ARHGEF3: variants seen among roughly 807,000 people sequenced by gnomAD.
The protein encoded by ARHGEF3 is 59.8 kDA protein.
A neutral mutation model predicts 63.2 loss-of-function variants in ARHGEF3; 28 were observed. The ratio of observed to expected loss-of-function variants is 0.44; its 90% CI spans 0.33 to 0.61. The LOEUF (loss-of-function observed/expected upper bound fraction) is 0.61, where lower values mean the gene tolerates loss of function less well. Ranked by LOEUF, ARHGEF3 falls within the 20% of genes least tolerant of loss-of-function variation. The probability of loss-of-function intolerance (pLI) is 0.03; values close to 1 mark genes in which losing one functional copy is unlikely to be tolerated. For missense variants in ARHGEF3, 533 were observed against 659.3 expected (o/e 0.81, Z 2.10); for synonymous variants, 266 against 254.2 (o/e 1.05, Z -0.44).
chr3:57,035,025 T>C, intron 2 of ARHGEF3: 1 of 1,358,744 alleles, frequency 7.4e-7, no homozygotes. Flanking sequence ...CTCCATTTCA[T>C]TTAATTGTTG....
intron 3 of ARHGEF3, among the ~76,000 whole-genome samples, chr3:56,930,701 A>T (rs1031935967): frequency 6.6e-6 from 1 of 152,262 alleles, no homozygotes; most frequent in African/African-American, 2.4e-5. Flanking sequence ...AACATAAAGC[A>T]AAAGGAACTT....
chr3:56,783,252 T>C (rs1210952743), intron 1 of ARHGEF3, among the ~76,000 whole-genome samples: 1 of 152,212 alleles, frequency 6.6e-6, no homozygotes, highest in Non-Finnish European at 1.5e-5. Flanking sequence ...CATTTCCTCC[T>C]GGCCTCCCCT....
intron 1 of ARHGEF3, among the ~76,000 whole-genome samples, chr3:56,796,197 C>T (rs1313134277): frequency 6.6e-6 from 1 of 152,174 alleles, no homozygotes; most frequent in Non-Finnish European, 1.5e-5. Context: ...TACATTTACA[C>T]AGGGCTTTGC....
At chr3:56,909,431 C>T (rs72624859) in intron 3 of ARHGEF3, among the ~76,000 whole-genome samples, 32,142 of 152,224 alleles carry the variant, frequency 0.21, 4,332 homozygotes, top group East Asian at 0.49. Context: ...CTCTCCCCAG[C>T]ATCAGGGATG....
intron 4 of ARHGEF3, among the ~76,000 whole-genome samples, chr3:56,862,850 T>C (rs1187993521): frequency 6.6e-6 from 1 of 152,190 alleles, no homozygotes; most frequent in East Asian, 1.9e-4. Context: ...TTCCACTTCA[T>C]TTAGGCTGTG....
At chr3:56,760,459 C>T (rs1430669534) in intron 2 of ARHGEF3, among the ~76,000 whole-genome samples, 1 of 152,170 alleles carries the variant, frequency 6.6e-6, no homozygotes, top group African/African-American at 2.4e-5. Context: ...GTGAGCTCTA[C>T]CACTATGAAT....
At chr3:56,732,198 C>G in intron 9 of ARHGEF3, 40 bp downstream of exon 9, 1 of 1,610,414 alleles carries the variant, frequency 6.2e-7, no homozygotes, top group African/African-American at 1.3e-5. Context: ...CTACCACGGC[C>G]AAAAACATTC....
intron 2 of ARHGEF3, among the ~76,000 whole-genome samples, chr3:57,034,404 C>T (rs770020285): frequency 6.6e-6 from 1 of 151,934 alleles, no homozygotes; most frequent in Non-Finnish European, 1.5e-5. Context: ...GGGGACTGGC[C>T]ACTCACAAAT....
Position 56,973,024 on chromosome 3 carries a change from T to G in ARHGEF3, c.63-14135A>C, listed in dbSNP as rs1029850899. On this transcript the variant is annotated intron_variant, in intron 2 of 12. Transcript: ENST00000338458. ...TGGAATGGTGAACAGTTTTTTTGTT[T>G]TTTTTTTTTTGAGATGGAGTCTCGC... 1.5e-4 allele frequency among the ~76,000 whole-genome samples: 23 copies of G among 150,638 alleles called. No individual in the cohort carries two copies. The East Asian group carries it at 2.9e-3, about 19-fold the overall frequency.
intron 1 of ARHGEF3, chr3:57,074,423 C>T (rs756981996): frequency 2.3e-5 from 15 of 645,982 alleles, no homozygotes; most frequent in Non-Finnish European, 3.6e-5. Flanking sequence ...CAAGAAGCCT[C>T]CCTGTCACAC....
intron 2 of ARHGEF3, among the ~76,000 whole-genome samples, chr3:56,981,904 G>A (rs1399397220): frequency 2.6e-5 from 4 of 152,298 alleles, no homozygotes; most frequent in South Asian, 4.1e-4. Flanking sequence ...GTTGGGGGAT[G>A]CCCTCTCCCC....
chr3:56,935,626 G>A (rs1167189521), intron 3 of ARHGEF3, among the ~76,000 whole-genome samples: 1 of 152,038 alleles, frequency 6.6e-6, no homozygotes, highest in Non-Finnish European at 1.5e-5. Context: ...CTTAAGAGCT[G>A]TAACACTCAC....
intron 3 of ARHGEF3, among the ~76,000 whole-genome samples, chr3:56,923,873 A>G (rs1178587527): frequency 6.6e-6 from 1 of 152,250 alleles, no homozygotes; most frequent in African/African-American, 2.4e-5. Context: ...AGCAAACCAA[A>G]TGAGACAGGT....
At chr3:56,942,918 C>T (rs1371646178) in intron 3 of ARHGEF3, among the ~76,000 whole-genome samples, 1 of 152,224 alleles carries the variant, frequency 6.6e-6, no homozygotes, top group Non-Finnish European at 1.5e-5. Flanking sequence ...CCCTAACTCT[C>T]TTCAATTCTA....
chr3:56,795,601 C>T (rs1395179491), intron 1 of ARHGEF3, among the ~76,000 whole-genome samples: 2 of 150,824 alleles, frequency 1.3e-5, no homozygotes, highest in Non-Finnish European at 2.9e-5. Context: ...CCTTTCCCAG[C>T]CAGTAGAAGG....
At chr3:57,040,434 G>A (rs550703181) in intron 1 of ARHGEF3, among the ~76,000 whole-genome samples, 5 of 142,626 alleles carry the variant, frequency 3.5e-5, no homozygotes, top group African/African-American at 7.4e-5. Flanking sequence ...CTGAGATCAC[G>A]CCACTGCACT....
At chr3:56,967,295 C>T in intron 2 of ARHGEF3, among the ~76,000 whole-genome samples, 1 of 97,240 alleles carries the variant, frequency 1.0e-5, no homozygotes, top group African/African-American at 4.1e-5. Context: ...ATATATTATA[C>T]AAATTATATA....
intron 2 of ARHGEF3, among the ~76,000 whole-genome samples, chr3:56,973,207 C>T (rs903588853): frequency 3.3e-5 from 5 of 152,050 alleles, no homozygotes; most frequent in East Asian, 1.9e-4. Context: ...TTAGTAGAGA[C>T]GGGGTTTCAC....
intron 6 of ARHGEF3, among the ~76,000 whole-genome samples, chr3:56,749,545 G>A (rs977860155): frequency 1.3e-5 from 2 of 152,164 alleles, no homozygotes; most frequent in Non-Finnish European, 2.9e-5. Flanking sequence ...GACTCAGGAA[G>A]TTTAAGAGAC....
Sources: allele counts gnomAD v4.1 joint callset (sites outside exome capture counted in the v4.1 genomes callset), GRCh38; gene constraint gnomAD v4.1.1; transcripts MANE v1.5; gene names NCBI Gene and HGNC (gene_info 2026-07-23, HGNC 2026-07-21).